The following CTNNA3 variants were observed in gnomAD, a reference collection of about 807,000 sequenced individuals.
CTNNA3 encodes the protein catenin alpha 3.
Under a neutral mutation model 95.7 loss-of-function variants are expected in CTNNA3, and 76 were observed. The observed-to-expected ratio is 0.79, with a 90% CI of 0.66 to 0.96. The LOEUF (loss-of-function observed/expected upper bound fraction) is 0.96, where lower values mean the gene tolerates loss of function less well. Ranked by LOEUF, CTNNA3 falls within the 40% of genes least tolerant of loss-of-function variation. CTNNA3 has a pLI of 0.00. For synonymous variants in CTNNA3, 431 were observed against 374.4 expected, an observed-to-expected ratio of 1.15 and a Z score of -1.74; for missense variants, 1,191 against 1,089.8, an observed-to-expected ratio of 1.09 and a Z score of -1.31.
intron 9 of CTNNA3, among the ~76,000 whole-genome samples, chr10:66,649,898 C>T (rs1845836199): frequency 6.6e-6 from 1 of 152,180 alleles, no homozygotes; most frequent in Non-Finnish European, 1.5e-5. Flanking sequence ...CCCACAGACT[C>T]GGGCTTCAGG....
At chr10:66,382,186 G>A (rs2092845525) in intron 11 of CTNNA3, among the ~76,000 whole-genome samples, 1 of 152,144 alleles carries the variant, frequency 6.6e-6, no homozygotes, top group Non-Finnish European at 1.5e-5. Context: ...GCCAAGGGAA[G>A]CCATGACAGA....
chr10:66,658,391 A>T (rs1457036022), intron 9 of CTNNA3, among the ~76,000 whole-genome samples: 1 of 152,200 alleles, frequency 6.6e-6, no homozygotes, highest in Non-Finnish European at 1.5e-5. Context: ...AATAAATAAA[A>T]ATTTAAGTGA....
intron 10 of CTNNA3, among the ~76,000 whole-genome samples, chr10:66,557,094 C>T (rs982304157): frequency 6.6e-6 from 1 of 151,916 alleles, no homozygotes; most frequent in Non-Finnish European, 1.5e-5. Flanking sequence ...GCTTATTAAG[C>T]ATTGCTTTCA....
Position 67,462,628 on chromosome 10 carries a change from T to C in CTNNA3, c.579+59214A>G, listed in dbSNP as rs139813788. On this transcript the variant is annotated intron_variant, in intron 5 of 17. Transcript: ENST00000433211. The stretch of plus-strand genomic sequence containing the variant: ...TGACATGCATCCCTGGACCAATCTA[T>C]TGTGACTAGAATGAAGCTCACATAA... Among the ~76,000 whole-genome samples the C allele has an allele frequency of 5.7e-3, 875 of 152,310 alleles. 5 individuals are homozygous for C. Among genetic ancestry groups the C allele is most frequent in the African/African-American group, 0.017 (707 of 41,570 alleles).
chr10:67,261,920 A>G (rs577141866), intron 5 of CTNNA3, among the ~76,000 whole-genome samples: 4 of 152,222 alleles, frequency 2.6e-5, no homozygotes, highest in Admixed American at 1.3e-4. Flanking sequence ...AATAAGTTGG[A>G]TATGTTTTTT....
In CTNNA3 at chr10:66,284,933, T is replaced by C. The variant is rs554253944; in HGVS notation, c.1733-4312A>G. Among the ~76,000 whole-genome samples, 7 of 152,008 alleles carry C rather than the reference T, an allele frequency of 4.6e-5. No homozygotes were observed. In the East Asian group the frequency reaches 1.4e-3, roughly 29 times the overall value. On this transcript the variant is annotated intron_variant, in intron 12 of 17. Coordinates refer to ENST00000433211, the MANE Select transcript of CTNNA3 (RefSeq NM_013266.4). ...CAAATACCACTTTATACTCTTCTTT[T>C]TTTCATTTATTCAATAAATGCTAAT... is the stretch of plus-strand genomic sequence containing the variant.
At chr10:65,954,415 C>A (rs2077688041) in intron 17 of CTNNA3, among the ~76,000 whole-genome samples, 1 of 152,164 alleles carries the variant, frequency 6.6e-6, no homozygotes, top group Admixed American at 6.5e-5. Flanking sequence ...TCTATTTTGG[C>A]TTTTGTTGCC....
intron 11 of CTNNA3, among the ~76,000 whole-genome samples, chr10:66,491,827 A>G (rs1487758746): frequency 6.6e-6 from 1 of 152,208 alleles, no homozygotes; most frequent in Non-Finnish European, 1.5e-5. Context: ...AGATGTGAAC[A>G]CACATAAGGG....
intron 5 of CTNNA3, among the ~76,000 whole-genome samples, chr10:67,286,977 C>A (rs974132215): frequency 1.3e-5 from 2 of 152,120 alleles, no homozygotes; most frequent in Non-Finnish European, 2.9e-5. Context: ...AATTTCTTGG[C>A]GCTTCCTCTG....
chr10:66,082,851 C>T (rs1228768626), intron 14 of CTNNA3, among the ~76,000 whole-genome samples: 1 of 152,006 alleles, frequency 6.6e-6, no homozygotes, highest in Non-Finnish European at 1.5e-5. Flanking sequence ...TTAGATGGGC[C>T]CCATCTGTCC....
At chr10:66,964,166 C>T (rs944977672) in intron 7 of CTNNA3, among the ~76,000 whole-genome samples, 4 of 151,956 alleles carry the variant, frequency 2.6e-5, no homozygotes, top group African/African-American at 7.3e-5. Context: ...CAATTTCTGT[C>T]CACAGTAACA....
chr10:66,040,967 T>A (rs1382045585), intron 15 of CTNNA3, among the ~76,000 whole-genome samples: 1 of 152,158 alleles, frequency 6.6e-6, no homozygotes, highest in Non-Finnish European at 1.5e-5. Context: ...AATATCTCCT[T>A]CAAGATATTT....
chr10:67,572,412 C>T (rs1201108762), intron 3 of CTNNA3, among the ~76,000 whole-genome samples: 1 of 152,100 alleles, frequency 6.6e-6, no homozygotes, highest in Non-Finnish European at 1.5e-5. Flanking sequence ...CAGGGTCAGC[C>T]AGTCATTGGT....
At chr10:66,762,297 T>C (rs952571750) in intron 9 of CTNNA3, among the ~76,000 whole-genome samples, 2 of 152,104 alleles carry the variant, frequency 1.3e-5, no homozygotes, top group East Asian at 3.9e-4. Context: ...CTAATCACTA[T>C]GTGAAGATGA....
intron 7 of CTNNA3, among the ~76,000 whole-genome samples, chr10:67,062,179 A>G (rs1855795755): frequency 1.5e-5 from 2 of 132,660 alleles, no homozygotes; most frequent in African/African-American, 5.9e-5. Flanking sequence ...CATTTTATAG[A>G]TAAGAACGTT....
intron 7 of CTNNA3, among the ~76,000 whole-genome samples, chr10:67,169,812 C>A (rs1158120068): frequency 6.6e-6 from 1 of 152,090 alleles, no homozygotes; most frequent in African/African-American, 2.4e-5. Context: ...AGGAAACTAT[C>A]AACACAGTAA....
At chr10:66,581,112 A>G (rs1843171714) in intron 10 of CTNNA3, among the ~76,000 whole-genome samples, 1 of 151,708 alleles carries the variant, frequency 6.6e-6, no homozygotes, top group Admixed American at 6.6e-5. Context: ...ATTCCATGAT[A>G]ACATACATCA....
At chr10:66,333,714 A>C (rs9664567) in intron 12 of CTNNA3, among the ~76,000 whole-genome samples, 1 of 150,576 alleles carries the variant, frequency 6.6e-6, no homozygotes, top group South Asian at 2.1e-4. Context: ...TGTTGATTTG[A>C]GGTGGAGAGT....
intron 15 of CTNNA3, among the ~76,000 whole-genome samples, chr10:66,034,844 T>C (rs1008600603): frequency 2.0e-5 from 3 of 152,198 alleles, no homozygotes; most frequent in African/African-American, 7.2e-5. Flanking sequence ...ATGGTGTACC[T>C]GCAAATCAGT....
Sources: allele counts gnomAD v4.1 joint callset (sites outside exome capture counted in the v4.1 genomes callset), GRCh38; gene constraint gnomAD v4.1.1; transcripts MANE v1.5; gene names NCBI Gene and HGNC (gene_info 2026-07-23, HGNC 2026-07-21).